The following PLD5 variants were observed in gnomAD, a reference collection of about 807,000 sequenced individuals.
PLD5 encodes inactive phospholipase D5.
A neutral mutation model predicts 61.1 loss-of-function variants in PLD5; 36 were observed. That is an observed-to-expected ratio of 0.59 (90% CI 0.45 to 0.78). PLD5 has a LOEUF of 0.78. PLD5 is among the 30% of genes least tolerant of loss of function. The probability of loss-of-function intolerance (pLI) is 0.00; values close to 1 mark genes in which losing one functional copy is unlikely to be tolerated. For synonymous variants in PLD5, 243 were observed against 242.8 expected (o/e 1.00, Z -0.01); for missense variants, 515 against 644.4 (o/e 0.80, Z 2.17).
chr1:242,400,282 A>G (rs1359757561), intron 1 of PLD5, among the ~76,000 whole-genome samples: 1 of 129,740 alleles, frequency 7.7e-6, no homozygotes, highest in Non-Finnish European at 1.6e-5. Context: ...TTTTGTGGAA[A>G]AATTGTTTTT....
At chr1:242,445,451 C>T (rs1375674424) in intron 1 of PLD5, among the ~76,000 whole-genome samples, 1 of 152,178 alleles carries the variant, frequency 6.6e-6, no homozygotes, top group Admixed American at 6.5e-5. Flanking sequence ...AAGTGATTCT[C>T]CTGCCTCAGC....
intron 1 of PLD5, among the ~76,000 whole-genome samples, chr1:242,357,775 C>T (rs10803039): frequency 0.99 from 150,359 of 152,224 alleles, 74,288 homozygotes; most frequent in Non-Finnish European, 1. Context: ...ACATGAGCCA[C>T]TGTGCCTGGC....
At chr1:242,315,392 T>C (rs1433727288) in intron 2 of PLD5, among the ~76,000 whole-genome samples, 1 of 152,168 alleles carries the variant, frequency 6.6e-6, no homozygotes, top group Non-Finnish European at 1.5e-5. Flanking sequence ...ATATATTTAG[T>C]GTGTCAACAA....
chr1:242,432,423 G>A (rs1410515548), intron 1 of PLD5, among the ~76,000 whole-genome samples: 1 of 152,218 alleles, frequency 6.6e-6, no homozygotes. Context: ...GAAGTCTAAT[G>A]GACCACACTG....
chr1:242,348,454 C>G (rs1349178699), intron 1 of PLD5, among the ~76,000 whole-genome samples: 1 of 152,072 alleles, frequency 6.6e-6, no homozygotes. Flanking sequence ...GTGATAGACC[C>G]TGTTAAATAA....
At chr1:242,293,591 C>T (rs1020201935) in intron 2 of PLD5, among the ~76,000 whole-genome samples, 12 of 152,176 alleles carry the variant, frequency 7.9e-5, no homozygotes, top group Non-Finnish European at 1.2e-4. Context: ...CCCACGCCCA[C>T]TGGGGGTCTT....
chr1:242,470,912 C>A (rs1042345102), intron 1 of PLD5, among the ~76,000 whole-genome samples: 2 of 152,338 alleles, frequency 1.3e-5, no homozygotes, highest in South Asian at 4.1e-4. Context: ...CTCAGGCGCT[C>A]CCCTTTGAGG....
At chr1:242,189,317 G>T (rs1267907307) in intron 5 of PLD5, among the ~76,000 whole-genome samples, 7 of 151,904 alleles carry the variant, frequency 4.6e-5, no homozygotes, top group Non-Finnish European at 1.0e-4. Flanking sequence ...GTAGTGGCGG[G>T]CACCTGTAAT....
chr1:242,242,736 A>G (rs1672134189), intron 4 of PLD5, among the ~76,000 whole-genome samples: 2 of 152,254 alleles, frequency 1.3e-5, no homozygotes, highest in Non-Finnish European at 2.9e-5. Flanking sequence ...AATAACACCT[A>G]TTAGTTGGAA....
intron 2 of PLD5, among the ~76,000 whole-genome samples, chr1:242,298,320 TGG>T (rs1483267587): frequency 6.6e-6 from 1 of 152,190 alleles, no homozygotes; most frequent in Non-Finnish European, 1.5e-5. Context: ...GGAAGTATAA[TGG>T]TAGCTATTAT....
chr1:242,266,703 T>C (rs1169953278), intron 3 of PLD5, among the ~76,000 whole-genome samples: 1 of 152,266 alleles, frequency 6.6e-6, no homozygotes, highest in Non-Finnish European at 1.5e-5. Context: ...GGCAAGGTCT[T>C]ATCTTGCTCT....
chr1:242,408,741 C>CA (rs1664376722), intron 1 of PLD5, among the ~76,000 whole-genome samples: 1 of 151,968 alleles, frequency 6.6e-6, no homozygotes, highest in Non-Finnish European at 1.5e-5. Context: ...TATAGCAATG[C>CA]AAAAATGGCC....
At chr1:242,126,884 T>TG (rs1235831057) in intron 5 of PLD5, among the ~76,000 whole-genome samples, 2 of 151,356 alleles carry the variant, frequency 1.3e-5, no homozygotes, top group Admixed American at 6.6e-5. Flanking sequence ...ACTCACAGAG[T>TG]GGGGGAAAAT....
chr1:242,433,049 C>G (rs1665802332), intron 1 of PLD5, among the ~76,000 whole-genome samples: 3 of 151,952 alleles, frequency 2.0e-5, no homozygotes, highest in African/African-American at 4.8e-5. Context: ...TAAAGAGAAG[C>G]TATTGAAAAT....
At chr1:242,400,188 G>GA (rs113690368) in intron 1 of PLD5, among the ~76,000 whole-genome samples, 93 of 137,404 alleles carry the variant, frequency 6.8e-4, no homozygotes, top group East Asian at 2.6e-3. Flanking sequence ...CAAAAGAAAA[G>GA]AAAAAAAAAA....
chr1:242,167,111 AT>A (rs1483787066), intron 5 of PLD5, among the ~76,000 whole-genome samples: 4,442 of 145,024 alleles, frequency 0.031, 147 homozygotes, highest in African/African-American at 0.086. Flanking sequence ...AATAATAATA[AT>A]AATAAATAGT....
chr1:242,324,582 T>G (rs1237406963), intron 2 of PLD5, among the ~76,000 whole-genome samples: 1 of 152,146 alleles, frequency 6.6e-6, no homozygotes, highest in Admixed American at 6.5e-5. Flanking sequence ...AGCCCCTCCC[T>G]AAAACAAACC....
intron 4 of PLD5, among the ~76,000 whole-genome samples, chr1:242,250,306 C>T (rs1672629717): frequency 6.6e-6 from 1 of 152,124 alleles, no homozygotes; most frequent in Non-Finnish European, 1.5e-5. Flanking sequence ...TCAGTCAAGT[C>T]TCCATCTTGC....
At chr1:242,487,892 A>T (rs968598464) in intron 1 of PLD5, among the ~76,000 whole-genome samples, 11 of 152,210 alleles carry the variant, frequency 7.2e-5, no homozygotes, top group African/African-American at 2.7e-4. Flanking sequence ...TATAATTTAT[A>T]TGTATATATT....
Sources: gnomAD v4.1 joint callset for allele counts (sites outside exome capture counted in the v4.1 genomes callset) on GRCh38, gnomAD v4.1.1 for gene constraint, MANE v1.5 for transcripts, NCBI Gene and HGNC (gene_info 2026-07-23, HGNC 2026-07-21) for gene names.